The following WDR41 variants were observed in gnomAD, a reference collection of about 807,000 sequenced individuals.
The protein encoded by WDR41 is WD repeat-containing protein 41.
Under a neutral mutation model 69.3 loss-of-function variants are expected in WDR41, and 63 were observed. The ratio of observed to expected loss-of-function variants is 0.91; its 90% confidence interval spans 0.74 to 1.12. WDR41 has a LOEUF of 1.12. Ranked by LOEUF, WDR41 falls within the 50% of genes most tolerant of loss-of-function variation. The pLI, the probability that WDR41 is intolerant of heterozygous loss-of-function variation, is 0.00. For missense variants in WDR41, 543 were observed against 534.5 expected, an observed-to-expected ratio of 1.02 and a Z score of -0.16; for synonymous variants, 185 against 192.1, an observed-to-expected ratio of 0.96 and a Z score of 0.31.
chr5:77,543,381 G>A (rs1743128602), intron 1 of WDR41, among the ~76,000 whole-genome samples: 1 of 151,386 alleles, frequency 6.6e-6, no homozygotes, highest in Non-Finnish European at 1.5e-5. Context: ...GAAAGGCAAA[G>A]CCCAATGTAA....
chr5:77,570,564 G>T (rs967594841), intron 1 of WDR41, among the ~76,000 whole-genome samples: 1 of 149,162 alleles, frequency 6.7e-6, no homozygotes, highest in African/African-American at 2.5e-5. Context: ...CTAAGATATA[G>T]TGTTGAAAGT....
intron 9 of WDR41, among the ~76,000 whole-genome samples, chr5:77,439,570 G>C (rs373001926): frequency 6.6e-6 from 1 of 152,156 alleles, no homozygotes; most frequent in African/African-American, 2.4e-5. Context: ...ATTTATCCAA[G>C]GTCAGGAAGA....
chr5:77,541,553 C>T (rs1222535986), intron 1 of WDR41, among the ~76,000 whole-genome samples: 1 of 134,046 alleles, frequency 7.5e-6, no homozygotes, highest in Non-Finnish European at 1.5e-5. Context: ...AGTGCAGTGG[C>T]GCGATCTTGG....
Position 77,442,647 on chromosome 5 carries a change from C to A in WDR41, c.698-1650G>T, listed in dbSNP as rs187686881. 3.2e-3 allele frequency among the ~76,000 whole-genome samples: 491 copies of A among 152,086 alleles called. 4 individuals are homozygous for A. Among genetic ancestry groups the A allele is most frequent in the African/African-American group, 0.011 (454 of 41,474 alleles). On this transcript the variant is annotated intron_variant, in intron 8 of 12. Coordinates refer to ENST00000296679, the MANE Select transcript of WDR41 (RefSeq NM_018268.4). ...GTGGCTCACACCTGTAATCCCAGCA[C>A]TTTGGGAGGCCGAGGCAGGTGGATC...
intron 1 of WDR41, among the ~76,000 whole-genome samples, chr5:77,561,087 A>G (rs2112257783): frequency 2.6e-5 from 4 of 152,278 alleles, no homozygotes; most frequent in Admixed American, 2.6e-4. Context: ...CTCTGTATCC[A>G]TTGTTTTGTT....
chr5:77,549,572 A>C (rs1394447402), intron 1 of WDR41, among the ~76,000 whole-genome samples: 6 of 152,190 alleles, frequency 3.9e-5, no homozygotes, highest in African/African-American at 1.4e-4. Context: ...TAAGGAGGTG[A>C]AAGATCTCTA....
At chr5:77,434,109 TGCCTGAGGTCAGGAGTTTAAGGCCA>T in intron 12 of WDR41, among the ~76,000 whole-genome samples, 1 of 152,216 alleles carries the variant, frequency 6.6e-6, no homozygotes, top group South Asian at 2.1e-4. Context: ...GTGGGTGGAC[TGCCTGAGGTCAGGAGTTTAAGGCCA>T]GCCTGGCCAA....
chr5:77,499,600 T>C (rs1801987702), intron 1 of WDR41: 1 of 152,184 alleles, frequency 6.6e-6, no homozygotes, highest in South Asian at 2.1e-4. Context: ...CCCATCTTTC[T>C]ACCCTTCCAC....
chr5:77,492,315 C>T lies in WDR41; in HGVS notation c.-95G>A. ...TCCTTCCTCCCCGGCTGCAGCGCAA[C>T]TGAGACGCTAATACTTCCCGCCCCA... On this transcript the variant is annotated 5_prime_UTR_variant, in exon 1 of 13. Coordinates refer to ENST00000296679, the MANE Select transcript of WDR41 (RefSeq NM_018268.4). 2 of 1,524,052 alleles carry T rather than the reference C, an allele frequency of 1.3e-6. No homozygotes were observed. The highest frequency in any genetic ancestry group is 1.8e-5 in the Admixed American group (1 of 55,820). The allele number at this position is 1,524,052 out of a possible 1,614,324, so 94.4% of individuals were successfully genotyped here. A position where few individuals can be genotyped will look rare whatever the true frequency, so the allele number is the denominator to read the frequency against.
intron 2 of WDR41, among the ~76,000 whole-genome samples, chr5:77,472,075 A>C (rs1044363961): frequency 1.3e-5 from 2 of 152,188 alleles, no homozygotes; most frequent in African/African-American, 4.8e-5. Flanking sequence ...CTTATCCACC[A>C]TGATCAAGTG....
At chr5:77,497,697 G>A (rs913280014) in intron 1 of WDR41, among the ~76,000 whole-genome samples, 3 of 151,668 alleles carry the variant, frequency 2.0e-5, no homozygotes, top group African/African-American at 2.4e-5. Flanking sequence ...AGCAACCCTC[G>A]AAAGTTAAAC....
chr5:77,483,562 A>G (rs903624374), intron 2 of WDR41, among the ~76,000 whole-genome samples: 3 of 150,794 alleles, frequency 2.0e-5, no homozygotes, highest in Non-Finnish European at 4.4e-5. Context: ...TTTTTCGCTC[A>G]TTAACCTGTC....
chr5:77,551,923 G>A (rs551107390), intron 1 of WDR41, among the ~76,000 whole-genome samples: 2 of 151,366 alleles, frequency 1.3e-5, no homozygotes, highest in African/African-American at 4.9e-5. Flanking sequence ...AGGTTGCAGC[G>A]AGCCGAGATC....
chr5:77,480,553 G>T (rs576315042), intron 2 of WDR41, among the ~76,000 whole-genome samples: 2 of 152,014 alleles, frequency 1.3e-5, no homozygotes, highest in African/African-American at 4.8e-5. Context: ...AAAACATCAT[G>T]CTCAGTAAAC....
intron 1 of WDR41, among the ~76,000 whole-genome samples, chr5:77,616,918 T>G (rs1373340153): frequency 6.6e-6 from 1 of 152,196 alleles, no homozygotes; most frequent in African/African-American, 2.4e-5. Flanking sequence ...AAAATGTTTT[T>G]ACATTAAAAT....
chr5:77,560,625 G>GA (rs908690957), intron 1 of WDR41, among the ~76,000 whole-genome samples: 4 of 150,918 alleles, frequency 2.7e-5, no homozygotes, highest in African/African-American at 4.9e-5. Flanking sequence ...TTGGCAAAAA[G>GA]AAAAAAAAAG....
chr5:77,436,988 C>G (rs796924417), intron 11 of WDR41, among the ~76,000 whole-genome samples: 2 of 152,264 alleles, frequency 1.3e-5, no homozygotes, highest in South Asian at 2.1e-4. Context: ...GTAAAGAACA[C>G]TTTGGTTTGA....
chr5:77,479,243 C>G, intron 2 of WDR41, among the ~76,000 whole-genome samples: 1 of 151,654 alleles, frequency 6.6e-6, no homozygotes, highest in African/African-American at 2.4e-5. Flanking sequence ...AATGGCCATA[C>G]TGCCCAAGGT....
At chr5:77,453,033 A>G (rs1799686517) in intron 6 of WDR41, among the ~76,000 whole-genome samples, 1 of 152,236 alleles carries the variant, frequency 6.6e-6, no homozygotes, top group African/African-American at 2.4e-5. Flanking sequence ...CTGAGTGGTT[A>G]AATTGTAAAC....
Sources: gnomAD v4.1 joint callset for allele counts (sites outside exome capture counted in the v4.1 genomes callset) on GRCh38, gnomAD v4.1.1 for gene constraint, MANE v1.5 for transcripts, NCBI Gene and HGNC (gene_info 2026-07-23, HGNC 2026-07-21) for gene names.